Variants in VAT1L observed in about 807,000 individuals in gnomAD.
VAT1L encodes the protein putative NADPH-dependent quinone oxidoreductase VAT1L.
VAT1L carries 34 observed loss-of-function variants against 44.1 expected under a neutral mutation model. That is an observed-to-expected ratio of 0.77 (90% confidence interval 0.59 to 1.03). The LOEUF (loss-of-function observed/expected upper bound fraction) is 1.03. VAT1L is among the 50% of genes least tolerant of loss of function. The pLI is 0.00. For synonymous variants in VAT1L, 253 were observed against 202.2 expected, an observed-to-expected ratio of 1.25 and a Z score of -2.13; for missense variants, 615 against 538.8, an observed-to-expected ratio of 1.14 and a Z score of -1.40.
chr16:77,955,815 A>G (rs2018097848), intron 7 of VAT1L, among the ~76,000 whole-genome samples: 1 of 151,744 alleles, frequency 6.6e-6, no homozygotes, highest in Non-Finnish European at 1.5e-5. Flanking sequence ...GAAATAAACC[A>G]TTCCTGGTCC....
chr16:77,939,866 C>G (rs2017856636), intron 7 of VAT1L, among the ~76,000 whole-genome samples: 1 of 152,152 alleles, frequency 6.6e-6, no homozygotes, highest in African/African-American at 2.4e-5. Context: ...TAAAATAGCT[C>G]ATTAAAGAGT....
intron 7 of VAT1L, among the ~76,000 whole-genome samples, chr16:77,923,771 C>T (rs1026772127): frequency 1.2e-4 from 19 of 152,170 alleles, no homozygotes; most frequent in African/African-American, 4.6e-4. Context: ...AAAGTGCCTT[C>T]ACTACACTGG....
chr16:77,959,141 A>T (rs903653254), intron 7 of VAT1L, among the ~76,000 whole-genome samples: 3 of 152,078 alleles, frequency 2.0e-5, no homozygotes, highest in African/African-American at 7.2e-5. Flanking sequence ...CCCCACCCTC[A>T]TCTATTCCCC....
rs1445532543 is a variant in VAT1L, at chr16:77,805,553, C to T, written c.234-11368C>T. Among the ~76,000 whole-genome samples, 5 of 150,350 alleles carry T rather than the reference C, an allele frequency of 3.3e-5. No individual in the cohort carries two copies. The East Asian group carries it at 7.8e-4, about 23-fold the overall frequency. On this transcript the variant is annotated intron_variant, in intron 1 of 8. Transcript: ENST00000302536. ...CAGAATAAGCAAAGAGCACACCTTCCCTTACTGCGTCTGCTTGGCACAAAG... is the reference window on the plus strand; with the variant it reads ...CAGAATAAGCAAAGAGCACACCTTCTCTTACTGCGTCTGCTTGGCACAAAG...
At chr16:77,869,676 A>T (rs886647456) in intron 4 of VAT1L, among the ~76,000 whole-genome samples, 4 of 151,900 alleles carry the variant, frequency 2.6e-5, no homozygotes, top group African/African-American at 9.7e-5. Flanking sequence ...CTCAATGATT[A>T]AAAAAAACCA....
intron 7 of VAT1L, among the ~76,000 whole-genome samples, chr16:77,952,855 TAAAA>T (rs61033802): frequency 2.5e-4 from 23 of 92,220 alleles, no homozygotes; most frequent in Non-Finnish European, 3.3e-4. Context: ...AGACTCCATT[TAAAA>T]AAAAAAAAAA....
In VAT1L at chr16:77,884,705, GGGCGGGCCT is replaced by G; in HGVS notation, c.981_989del (p.Ala328_Leu330del). The stretch of plus-strand genomic sequence containing the variant: ...TTAAATCTGCTCTTCAAACAAGGCC[GGGCGGGCCT>G]CATTCGGGGAGTGGTGGAAAAACTC... On this transcript the variant is annotated inframe_deletion, in exon 7 of 9. Transcript: ENST00000302536. This position sits in a 1 kb window ranked among gnomAD's most constrained non-coding sequence, Gnocchi z 4.5. 6.2e-7 allele frequency: 1 copy of G among 1,611,168 alleles called. No homozygotes were observed. Among genetic ancestry groups the G allele is most frequent in the Non-Finnish European group, 8.5e-7 (1 of 1,178,704 alleles).
rs149311930 is a variant in VAT1L, at chr16:77,876,234, C to A, written c.723-136C>A. On this transcript the variant is annotated intron_variant, in intron 4 of 8. Transcript: ENST00000302536. ...ACATATCCACCTCCTGGGCTTCTGC[C>A]CTATTTATTGCTACTCCTGGAGCTT... The A allele has an allele frequency of 1.1e-4, 80 of 703,914 alleles. 1 individual carries two copies. In the Admixed American group the frequency reaches 1.9e-3, roughly 17 times the overall value. The allele number at this position is 703,914 out of a possible 1,614,324, so 43.6% of individuals were successfully genotyped here.
At chr16:77,872,701 T>C (rs997340954) in intron 4 of VAT1L, among the ~76,000 whole-genome samples, 1 of 152,110 alleles carries the variant, frequency 6.6e-6, no homozygotes. Flanking sequence ...CAACAGAGGG[T>C]CATCTTCCAA....
chr16:77,824,831 G>C (rs1238591588), intron 2 of VAT1L, among the ~76,000 whole-genome samples: 1 of 145,764 alleles, frequency 6.9e-6, no homozygotes, highest in African/African-American at 2.5e-5. Flanking sequence ...GAAAAACCAT[G>C]TGTTTGTACC....
At chr16:77,798,432 T>C (rs776433668) in intron 1 of VAT1L, among the ~76,000 whole-genome samples, 2 of 152,206 alleles carry the variant, frequency 1.3e-5, no homozygotes, top group Non-Finnish European at 2.9e-5. Context: ...ATCTGTAATA[T>C]GGATGGGGTA....
intron 1 of VAT1L, chr16:77,800,113 T>C (rs925615568): frequency 2.0e-5 from 3 of 152,184 alleles, no homozygotes; most frequent in South Asian, 2.1e-4. Flanking sequence ...CCTGGAAGAA[T>C]ACCAAACTAT....
rs187363431 is a variant in VAT1L, at chr16:77,973,551, G to A, written c.1161+1618G>A. Among the ~76,000 whole-genome samples, 279 of 152,076 alleles carry A rather than the reference G, an allele frequency of 1.8e-3. 2 individuals are homozygous for A. The Middle Eastern group carries it at 0.034, about 19-fold the overall frequency. ...GCCCGCCTCAGCCTCCCAAAGTGTT[G>A]GGATTACAGGCGTGAGCCACCATGC... On this transcript the variant is annotated intron_variant, in intron 8 of 8. Coordinates refer to ENST00000302536, the MANE Select transcript of VAT1L (RefSeq NM_020927.3).
At chr16:77,971,990 A>G in intron 8 of VAT1L, 57 bp downstream of exon 8, 2 of 1,536,052 alleles carry the variant, frequency 1.3e-6, no homozygotes, top group Non-Finnish European at 1.8e-6. Context: ...CCACGGGTCA[A>G]TCAGATGCAG....
intron 3 of VAT1L, among the ~76,000 whole-genome samples, chr16:77,832,424 C>T (rs1441642243): frequency 6.6e-6 from 1 of 152,134 alleles, no homozygotes; most frequent in Non-Finnish European, 1.5e-5. Context: ...TAGAGACAAC[C>T]TAAAGACAGC....
intron 7 of VAT1L, among the ~76,000 whole-genome samples, chr16:77,920,973 CACACACAT>C (rs1420459846): frequency 2.7e-5 from 4 of 150,304 alleles, no homozygotes; most frequent in Middle Eastern, 3.4e-3. Flanking sequence ...TATATACACA[CACACACAT>C]ACATACATAC....
chr16:77,810,057 T>A (rs912641897), intron 1 of VAT1L, among the ~76,000 whole-genome samples: 1 of 152,152 alleles, frequency 6.6e-6, no homozygotes, highest in African/African-American at 2.4e-5. Flanking sequence ...ATGAACTTAA[T>A]CTAATAACAC....
At chr16:77,907,370 T>C (rs1189400192) in intron 7 of VAT1L, among the ~76,000 whole-genome samples, 1 of 152,210 alleles carries the variant, frequency 6.6e-6, no homozygotes, top group Non-Finnish European at 1.5e-5. Flanking sequence ...ATGTCTGTGT[T>C]TGACAACCTG....
intron 4 of VAT1L, among the ~76,000 whole-genome samples, chr16:77,865,175 A>G (rs185539587): frequency 2.0e-5 from 3 of 151,930 alleles, no homozygotes; most frequent in East Asian, 2.0e-4. Context: ...GGGTTTCACC[A>G]TGTTAGCCAG....
Sources: gnomAD v4.1 joint callset for allele counts (sites outside exome capture counted in the v4.1 genomes callset) on GRCh38, gnomAD v4.1.1 for gene constraint, Gnocchi (gnomAD v3.1) non-coding constraint, MANE v1.5 for transcripts, NCBI Gene and HGNC (gene_info 2026-07-23, HGNC 2026-07-21) for gene names.